The following PRR16 variants were observed in gnomAD, a reference collection of about 807,000 sequenced individuals.
PRR16 encodes the protein proline rich 16.
In PRR16, 6 loss-of-function variants were observed where a neutral mutation model predicts 18.2. The observed-to-expected ratio is 0.33, with a 90% CI of 0.18 to 0.65. The LOEUF (loss-of-function observed/expected upper bound fraction) is 0.65, where lower values mean the gene tolerates loss of function less well. Among genes scored for constraint, PRR16 ranks in the 30% least tolerant of loss-of-function variants. The probability of loss-of-function intolerance (pLI) is 0.74; values close to 1 mark genes in which losing one functional copy is unlikely to be tolerated. For synonymous variants in PRR16, 151 were observed against 147.8 expected (o/e 1.02, Z -0.16); for missense variants, 412 against 376.6 (o/e 1.09, Z -0.78).
chr5:120,720,288 ATTC>A, the PRR16 span, among the ~76,000 whole-genome samples: 1 of 151,452 alleles, frequency 6.6e-6, no homozygotes, highest in African/African-American at 2.4e-5. Context: ...CATTTTCATC[ATTC>A]TTCTTTTTGA....
At chr5:120,741,766 A>C in the PRR16 span, among the ~76,000 whole-genome samples, 1 of 151,746 alleles carries the variant, frequency 6.6e-6, no homozygotes, top group Non-Finnish European at 1.5e-5. Context: ...AAGCCCGACT[A>C]ATTTTTGTAT....
chr5:120,747,542 A>T, the PRR16 span, among the ~76,000 whole-genome samples: 1 of 152,172 alleles, frequency 6.6e-6, no homozygotes, highest in African/African-American at 2.4e-5. Context: ...CCAGTGGTAG[A>T]TATTACTGTG....
At chr5:120,488,511 T>G (rs1749899926) in intron 1 of PRR16, among the ~76,000 whole-genome samples, 1 of 152,230 alleles carries the variant, frequency 6.6e-6, no homozygotes, top group Non-Finnish European at 1.5e-5. Context: ...TTATCATTTT[T>G]TATTGTGTCT....
At chr5:120,736,461 C>T in the PRR16 span, among the ~76,000 whole-genome samples, 3 of 149,926 alleles carry the variant, frequency 2.0e-5, no homozygotes, top group African/African-American at 7.4e-5. Flanking sequence ...GAAAGAGTTT[C>T]ACCATGTTGG....
chr5:120,725,701 C>A, the PRR16 span, among the ~76,000 whole-genome samples: 1 of 151,928 alleles, frequency 6.6e-6, no homozygotes, highest in Non-Finnish European at 1.5e-5. Context: ...GGCTGTAGTT[C>A]TCAACTGTTT....
At chr5:120,621,043 G>GTTTTGTCAAA (rs1754672861) in intron 1 of PRR16, among the ~76,000 whole-genome samples, 4 of 152,092 alleles carry the variant, frequency 2.6e-5, no homozygotes, top group Admixed American at 2.6e-4. Flanking sequence ...ACTCTGGGTA[G>GTTTTGTCAAA]TGTTCTCCTT....
chr5:120,629,502 T>A (rs1754985508), intron 1 of PRR16, among the ~76,000 whole-genome samples: 1 of 152,144 alleles, frequency 6.6e-6, no homozygotes, highest in South Asian at 2.1e-4. Context: ...TGAAAGCATC[T>A]TAGAATGTTT....
rs775663102 is a variant in PRR16 at position 120,464,465 on chromosome 5, C to T, written c.-22C>T. On this transcript the variant is annotated 5_prime_UTR_variant, in exon 1 of 2. Coordinates refer to ENST00000407149, the MANE Select transcript of PRR16 (RefSeq NM_001300783.2). Reference sequence around the variant, plus strand: ...CCTCCGCTCGCCCGCCTGTCCTGACCTGCCTCGCTTGCCCCCAAAGAATGT... The same window carrying T: ...CCTCCGCTCGCCCGCCTGTCCTGACTTGCCTCGCTTGCCCCCAAAGAATGT... 6.4e-7 allele frequency: 1 copy of T among 1,573,990 alleles called. No homozygotes were observed. The highest frequency in any genetic ancestry group is 8.6e-7 in the Non-Finnish European group (1 of 1,168,286).
At chr5:120,753,813 A>G in the PRR16 span, among the ~76,000 whole-genome samples, 3 of 140,562 alleles carry the variant, frequency 2.1e-5, no homozygotes, top group African/African-American at 7.8e-5. Context: ...CTTGAGTTTT[A>G]TTATATATTT....
intron 1 of PRR16, among the ~76,000 whole-genome samples, chr5:120,595,619 C>A (rs572222570): frequency 6.6e-6 from 1 of 151,822 alleles, no homozygotes; most frequent in Non-Finnish European, 1.5e-5. Flanking sequence ...TGTCTGTACA[C>A]CACACTCCAT....
intron 1 of PRR16, among the ~76,000 whole-genome samples, chr5:120,478,172 T>C (rs1209559235): frequency 1.3e-5 from 2 of 152,194 alleles, no homozygotes; most frequent in Non-Finnish European, 2.9e-5. Context: ...CTCTTTCAGC[T>C]CTAAACTCAT....
At chr5:120,535,517 T>C (rs1312203258) in intron 1 of PRR16, among the ~76,000 whole-genome samples, 1 of 152,178 alleles carries the variant, frequency 6.6e-6, no homozygotes. Context: ...AAATTAACAC[T>C]TCCTGGGTGC....
At chr5:120,667,415 T>C (rs1395406625) in intron 1 of PRR16, among the ~76,000 whole-genome samples, 4 of 152,188 alleles carry the variant, frequency 2.6e-5, no homozygotes, top group Non-Finnish European at 5.9e-5. Context: ...GCTCCTGGAT[T>C]CATTAATTTT....
chr5:120,597,915 G>A (rs1215264509), intron 1 of PRR16, among the ~76,000 whole-genome samples: 3 of 151,876 alleles, frequency 2.0e-5, no homozygotes, highest in Non-Finnish European at 4.4e-5. Context: ...CTTTGGATGT[G>A]TAGAATAATT....
the PRR16 span, among the ~76,000 whole-genome samples, chr5:120,744,232 G>A: frequency 4.6e-5 from 7 of 152,120 alleles, no homozygotes; most frequent in Non-Finnish European, 7.4e-5. Context: ...ATGTGAAAGC[G>A]CTGGCAGGGT....
chr5:120,653,299 TA>T (rs531294030), intron 1 of PRR16, among the ~76,000 whole-genome samples: 1,831 of 142,252 alleles, frequency 0.013, 16 homozygotes, highest in South Asian at 0.033. Flanking sequence ...TCAATAAAAG[TA>T]AAAAAAAAAA....
At chr5:120,651,687 T>G in intron 1 of PRR16, among the ~76,000 whole-genome samples, 1 of 152,160 alleles carries the variant, frequency 6.6e-6, no homozygotes, top group East Asian at 1.9e-4. Flanking sequence ...CATTGGTCTA[T>G]ATCTCTGTTT....
chr5:120,517,092 T>C (rs1322943015), intron 1 of PRR16, among the ~76,000 whole-genome samples: 1 of 152,144 alleles, frequency 6.6e-6, no homozygotes, highest in African/African-American at 2.4e-5. Flanking sequence ...CAAAAAAATC[T>C]TTGGCAGCAG....
chr5:120,657,095 C>G lies in PRR16; in HGVS notation c.160-28859C>G, dbSNP rs78826740. Among the ~76,000 whole-genome samples the G allele has an allele frequency of 9.0e-4, 137 of 152,056 alleles. 3 individuals carry two copies. In the East Asian group the frequency reaches 0.026, roughly 29 times the overall value. On this transcript the variant is annotated intron_variant, in intron 1 of 1. Transcript: ENST00000407149. ...ATGGAAAAATCATCACAAAATCAAA[C>G]TGATTTATTTCTTTTAACTTGCTGA...
Sources: gnomAD v4.1 joint callset for allele counts (sites outside exome capture counted in the v4.1 genomes callset) on GRCh38, gnomAD v4.1.1 for gene constraint, MANE v1.5 for transcripts, NCBI Gene and HGNC (gene_info 2026-07-23, HGNC 2026-07-21) for gene names.